Variants in UBE2K observed in about 807,000 individuals in gnomAD.
UBE2K encodes the protein ubiquitin conjugating enzyme E2 K.
Under a neutral mutation model 30.0 loss-of-function variants are expected in UBE2K, and 6 were observed. The ratio of observed to expected loss-of-function variants is 0.20; its 90% CI spans 0.11 to 0.39. The LOEUF is 0.39. Among genes scored for constraint, UBE2K ranks in the 10% least tolerant of loss-of-function variants. The pLI is 1.00. For synonymous variants in UBE2K, 86 were observed against 83.7 expected, an observed-to-expected ratio of 1.03 and a Z score of -0.15; for missense variants, 61 against 241.6, an observed-to-expected ratio of 0.25 and a Z score of 4.96.
At chr4:39,702,221 CTTTTCTTTTCTTTTTTTTTTTTTTT>C (rs1718056107) in intron 1 of UBE2K, among the ~76,000 whole-genome samples, 1 of 58,646 alleles carries the variant, frequency 1.7e-5, no homozygotes, top group Middle Eastern at 9.6e-3. Flanking sequence ...CTTTTCTTTT[CTTTTCTTTTCTTTTTTTTTTTTTTT>C]TTTTTTTTTT....
intron 3 of UBE2K, among the ~76,000 whole-genome samples, chr4:39,755,283 C>A (rs930865779): frequency 9.8e-5 from 15 of 152,312 alleles, no homozygotes; most frequent in African/African-American, 2.6e-4. Flanking sequence ...CACCCTGCCT[C>A]ACATGAAGAA....
In UBE2K at chr4:39,742,867, GA is replaced by G. The variant is rs1391046682; in HGVS notation, c.158-2882del. Among the ~76,000 whole-genome samples the G allele has an allele frequency of 3.3e-5, 5 of 152,136 alleles. No homozygotes were observed. The East Asian group carries it at 9.6e-4, about 29-fold the overall frequency. Reference sequence around the variant, plus strand: ...TCAAGCCCAGCCTGACCAACATGGTGAAACCTCATCTCTACTAAAAATACAA... The same window carrying G: ...TCAAGCCCAGCCTGACCAACATGGTGAACCTCATCTCTACTAAAAATACAA... On this transcript the variant is annotated intron_variant, in intron 2 of 6. Coordinates refer to ENST00000261427, the MANE Select transcript of UBE2K (RefSeq NM_005339.5).
chr4:39,725,347 C>T (rs886328792), intron 1 of UBE2K, among the ~76,000 whole-genome samples: 6 of 136,136 alleles, frequency 4.4e-5, no homozygotes, highest in Non-Finnish European at 9.2e-5. Context: ...CACTGCACTC[C>T]AGCCTGGGTG....
At position 39,780,845 on chromosome 4, in the gene UBE2K, C is replaced by A. The variant is rs2058887535; in HGVS notation, c.*2411C>A. ...GACAAAAAGACACTAAAAGGTCAGG[C>A]CTAGGGGAAAAGTACCCTGGTGGAA... On this transcript the variant is annotated 3_prime_UTR_variant, in exon 7 of 7. Coordinates refer to ENST00000261427, the MANE Select transcript of UBE2K (RefSeq NM_005339.5). 1 of 151,922 alleles carries A rather than the reference C, an allele frequency of 6.6e-6. No homozygotes were observed. Among genetic ancestry groups the A allele is most frequent in the African/African-American group, 2.4e-5 (1 of 41,358 alleles). 9.4% of individuals were successfully genotyped at this position (151,922 alleles called of 1,614,324 possible). A position where few individuals can be genotyped will look rare whatever the true frequency, so the allele number is the denominator to read the frequency against.
At chr4:39,776,860 C>A (rs1174818400) in intron 5 of UBE2K, among the ~76,000 whole-genome samples, 2 of 152,078 alleles carry the variant, frequency 1.3e-5, no homozygotes, top group East Asian at 3.9e-4. Flanking sequence ...GAGCTCTAAG[C>A]CTTACACGTT....
intron 4 of UBE2K, among the ~76,000 whole-genome samples, chr4:39,771,612 C>T (rs1438455427): frequency 6.6e-6 from 1 of 152,186 alleles, no homozygotes; most frequent in Non-Finnish European, 1.5e-5. Flanking sequence ...GGGCCGGCTC[C>T]ACGTGGGCGT....
At chr4:39,771,796 CTTTAAGACATCCATTGT>C (rs1712889722) in intron 4 of UBE2K, among the ~76,000 whole-genome samples, 1 of 152,170 alleles carries the variant, frequency 6.6e-6, no homozygotes, top group Non-Finnish European at 1.5e-5. Flanking sequence ...GAGATCATTG[CTTTAAGACATCCATTGT>C]TGGTTGTTGG....
chr4:39,738,867 G>A lies in UBE2K; in HGVS notation c.157+1354G>A, dbSNP rs191224171. On this transcript the variant is annotated intron_variant, in intron 2 of 6. Coordinates refer to ENST00000261427, the MANE Select transcript of UBE2K (RefSeq NM_005339.5). ...TTTTTGTATTTTTAGTAGAGACAGGGTTTCACAATAACGGCCAGGCTGGTC... is the reference window on the plus strand; with the variant it reads ...TTTTTGTATTTTTAGTAGAGACAGGATTTCACAATAACGGCCAGGCTGGTC... Among the ~76,000 whole-genome samples, 1,358 of 152,152 alleles carry A rather than the reference G, an allele frequency of 8.9e-3. 9 individuals are homozygous for A. The highest frequency in any genetic ancestry group is 0.013 in the Non-Finnish European group (914 of 68,002).
At chr4:39,739,919 T>C (rs922651100) in intron 2 of UBE2K, among the ~76,000 whole-genome samples, 3 of 152,224 alleles carry the variant, frequency 2.0e-5, no homozygotes, top group Admixed American at 6.5e-5. Flanking sequence ...TAAAATTTTA[T>C]TTTTTGTTTT....
chr4:39,707,612 CCT>C (rs1718442254), intron 1 of UBE2K, among the ~76,000 whole-genome samples: 1 of 151,404 alleles, frequency 6.6e-6, no homozygotes, highest in South Asian at 2.1e-4. Flanking sequence ...GCCTTGACCT[CCT>C]GGGTTCTAGC....
intron 1 of UBE2K, among the ~76,000 whole-genome samples, chr4:39,734,478 GA>G (rs1258213613): frequency 6.6e-6 from 1 of 151,846 alleles, no homozygotes; most frequent in African/African-American, 2.4e-5. Flanking sequence ...TCTATAGAGT[GA>G]AAAAAAGAGC....
chr4:39,698,428 T>C, intron 1 of UBE2K, 38 bp downstream of exon 1: 1 of 1,585,344 alleles, frequency 6.3e-7, no homozygotes, highest in Non-Finnish European at 8.6e-7. Context: ...CACCTCTGCC[T>C]GGGGCGGGAG....
intron 1 of UBE2K, among the ~76,000 whole-genome samples, chr4:39,735,570 AC>A (rs1416177554): frequency 1.1e-4 from 17 of 152,102 alleles, no homozygotes; most frequent in African/African-American, 4.1e-4. Context: ...TTTAGTAGAG[AC>A]AGGGTTTCAC....
rs1713648970 is a variant in UBE2K at position 39,782,115 on chromosome 4, C to G, written c.*3681C>G. The G allele has an allele frequency of 2.5e-6, 1 of 394,720 alleles. No homozygotes were observed. 24.5% of individuals were successfully genotyped at this position (394,720 alleles called of 1,614,324 possible). On this transcript the variant is annotated 3_prime_UTR_variant, in exon 7 of 7. Transcript: ENST00000261427. ...CTGCTTCATTGGACTGATACACCCT[C>G]ATGAACTTGCAATCACCTAAATGGA...
At chr4:39,705,728 C>T (rs1357891462) in intron 1 of UBE2K, among the ~76,000 whole-genome samples, 1 of 152,144 alleles carries the variant, frequency 6.6e-6, no homozygotes, top group East Asian at 1.9e-4. Context: ...GGCTCTATCA[C>T]CCAGCCTGGA....
At chr4:39,760,051 C>T (rs998544347) in intron 4 of UBE2K, among the ~76,000 whole-genome samples, 12 of 151,408 alleles carry the variant, frequency 7.9e-5, no homozygotes, top group African/African-American at 2.7e-4. Context: ...GTGGTGGGCA[C>T]CTGTAATCCC....
chr4:39,755,550 A>T, intron 3 of UBE2K, 107 bp from the exon 4 acceptor site: 1 of 811,300 alleles, frequency 1.2e-6, no homozygotes, highest in Non-Finnish European at 2.0e-6. Context: ...GATGTAATAG[A>T]TATAGGGACC....
chr4:39,779,235 A>G lies in UBE2K; in HGVS notation c.*801A>G, dbSNP rs879689625. On this transcript the variant is annotated 3_prime_UTR_variant, in exon 7 of 7. Transcript: ENST00000261427. ...AAGTAATGTAAAAATGGAACTGCCA[A>G]TTTTATTTCTCTTGCAAAAATAGTA... 4.6e-5 allele frequency: 7 copies of G among 152,172 alleles called. No homozygotes were observed. Among genetic ancestry groups the G allele is most frequent in the Admixed American group, 2.0e-4 (3 of 15,272 alleles). The allele number at this position is 152,172 out of a possible 1,614,324, so 9.4% of individuals were successfully genotyped here.
intron 1 of UBE2K, among the ~76,000 whole-genome samples, chr4:39,699,069 A>G (rs1354546285): frequency 2.0e-5 from 3 of 152,220 alleles, no homozygotes; most frequent in Non-Finnish European, 4.4e-5. Context: ...TTAACCCCCA[A>G]ATTCCTAGGC....
Sources: gnomAD v4.1 joint callset for allele counts (sites outside exome capture counted in the v4.1 genomes callset) on GRCh38, gnomAD v4.1.1 for gene constraint, MANE v1.5 for transcripts, NCBI Gene and HGNC (gene_info 2026-07-23, HGNC 2026-07-21) for gene names.